Variants in NRXN1 observed in about 807,000 individuals in gnomAD.
NRXN1 encodes neurexin-1.
Under a neutral mutation model 150.9 loss-of-function variants are expected in NRXN1, and 39 were observed. That is an observed-to-expected ratio of 0.26 (90% confidence interval 0.20 to 0.34). The LOEUF (loss-of-function observed/expected upper bound fraction) is 0.34, where lower values mean the gene tolerates loss of function less well. NRXN1 is among the 10% of genes least tolerant of loss of function. NRXN1 has a pLI of 1.00. For synonymous variants in NRXN1, 924 were observed against 757.0 expected (o/e 1.22, Z -3.62); for missense variants, 1,815 against 1,949.9 (o/e 0.93, Z 1.30).
At chr2:50,123,997 A>T (rs1345552307) in intron 18 of NRXN1, among the ~76,000 whole-genome samples, 5 of 152,146 alleles carry the variant, frequency 3.3e-5, no homozygotes, top group Non-Finnish European at 5.9e-5. Flanking sequence ...GCCGTGAGAG[A>T]GAATGGGATA....
intron 5 of NRXN1, among the ~76,000 whole-genome samples, chr2:50,700,593 A>C (rs9677747): frequency 0.21 from 31,244 of 152,160 alleles, 3,532 homozygotes; most frequent in Non-Finnish European, 0.25. Flanking sequence ...AAGTCCTTGG[A>C]ATCTTTCTAT....
At chr2:50,196,365 G>A (rs1280868680) in intron 18 of NRXN1, among the ~76,000 whole-genome samples, 1 of 152,038 alleles carries the variant, frequency 6.6e-6, no homozygotes, top group Non-Finnish European at 1.5e-5. Flanking sequence ...TTCCAGAAAA[G>A]TTTCCTAAAC....
chr2:50,757,174 A>G (rs1701242000), intron 5 of NRXN1, among the ~76,000 whole-genome samples: 1 of 151,930 alleles, frequency 6.6e-6, no homozygotes, highest in Non-Finnish European at 1.5e-5. Context: ...ATCCAACTAC[A>G]GAATTCCACG....
At chr2:50,658,879 T>G (rs752550164) in intron 5 of NRXN1, among the ~76,000 whole-genome samples, 1 of 152,044 alleles carries the variant, frequency 6.6e-6, no homozygotes, top group Non-Finnish European at 1.5e-5. Context: ...CTCTACAATC[T>G]CCATACTCTC....
At chr2:50,021,716 T>A (rs142286647) in intron 21 of NRXN1, among the ~76,000 whole-genome samples, 40 of 152,274 alleles carry the variant, frequency 2.6e-4, no homozygotes, top group African/African-American at 9.1e-4. Context: ...TTTTGAAAAA[T>A]TTTTAAAAAT....
intron 12 of NRXN1, among the ~76,000 whole-genome samples, chr2:50,513,374 C>T (rs770287029): frequency 4.5e-4 from 68 of 152,202 alleles, no homozygotes; most frequent in Non-Finnish European, 5.3e-4. Context: ...ACGCACACTG[C>T]AGTCTAGTTT....
intron 17 of NRXN1, among the ~76,000 whole-genome samples, chr2:50,354,136 C>T (rs1265770021): frequency 6.6e-6 from 1 of 152,092 alleles, no homozygotes; most frequent in African/African-American, 2.4e-5. Context: ...TAGTGCTGTT[C>T]CCAGTTCTCT....
At chr2:50,422,508 A>G (rs2084079383) in intron 17 of NRXN1, among the ~76,000 whole-genome samples, 1 of 152,192 alleles carries the variant, frequency 6.6e-6, no homozygotes, top group South Asian at 2.1e-4. Context: ...AACTCAAACC[A>G]CAAACCTCAT....
intron 2 of NRXN1, among the ~76,000 whole-genome samples, chr2:50,933,715 A>G (rs377588575): frequency 1.4e-4 from 21 of 152,248 alleles, no homozygotes; most frequent in African/African-American, 4.8e-4. Context: ...CTGATCCATA[A>G]AATCAAATCA....
intron 8 of NRXN1, among the ~76,000 whole-genome samples, chr2:50,606,468 C>T (rs1677139928): frequency 1.3e-5 from 2 of 151,576 alleles, no homozygotes; most frequent in African/African-American, 4.8e-5. Flanking sequence ...AGTTGCCAAT[C>T]AATAATTATA....
intron 21 of NRXN1, among the ~76,000 whole-genome samples, chr2:50,014,616 ACAC>A (rs1429763129): frequency 5.3e-5 from 8 of 152,120 alleles, no homozygotes; most frequent in African/African-American, 1.9e-4. Context: ...TTTGTTCTTA[ACAC>A]CACGTTTCAG....
chr2:50,518,043 G>C (rs2092679410), intron 12 of NRXN1, among the ~76,000 whole-genome samples: 1 of 151,988 alleles, frequency 6.6e-6, no homozygotes, highest in African/African-American at 2.4e-5. Context: ...CTGTAGTTTT[G>C]TCATTGATTG....
chr2:50,185,548 C>A (rs1341582233), intron 18 of NRXN1: 1 of 152,016 alleles, frequency 6.6e-6, no homozygotes, highest in African/African-American at 2.4e-5. Flanking sequence ...ATACCTGAAG[C>A]CTCAGATGCA....
rs181599865 is a variant in NRXN1, at chr2:50,562,329, C to T, written c.1321-9304G>A. ...ATTAGACAAATATATGATAGATATA[C>T]GATAGATAGATAGATAGATAGATAG... On this transcript the variant is annotated intron_variant, in intron 8 of 22. Coordinates refer to ENST00000401669, the MANE Select transcript of NRXN1 (RefSeq NM_001330078.2). Among the ~76,000 whole-genome samples the T allele has an allele frequency of 2.5e-3, 381 of 150,010 alleles. 2 individuals carry two copies. The highest frequency in any genetic ancestry group is 3.9e-3 in the Non-Finnish European group (265 of 67,480).
chr2:49,923,365 G>A (rs17039454), intron 22 of NRXN1, among the ~76,000 whole-genome samples: 21,980 of 151,874 alleles, frequency 0.14, 2,072 homozygotes, highest in East Asian at 0.23. Context: ...CTATCCTCTC[G>A]CTTGTCTTAC....
intron 5 of NRXN1, among the ~76,000 whole-genome samples, chr2:50,875,601 T>C (rs938026281): frequency 2.0e-5 from 3 of 151,876 alleles, no homozygotes; most frequent in Non-Finnish European, 4.4e-5. Context: ...CCAATTACAA[T>C]AGGCCTTAAA....
chr2:50,798,863 TA>T (rs903285854), intron 5 of NRXN1, among the ~76,000 whole-genome samples: 49 of 152,334 alleles, frequency 3.2e-4, no homozygotes, highest in African/African-American at 1.1e-3. Context: ...AAGATCTTGC[TA>T]AAAAATAATT....
At chr2:50,201,743 A>T (rs60140891) in intron 18 of NRXN1, among the ~76,000 whole-genome samples, 2,955 of 152,288 alleles carry the variant, frequency 0.019, 99 homozygotes, top group African/African-American at 0.068. Context: ...GTACTTAACT[A>T]AGCAGTTCAA....
At chr2:50,716,289 G>T (rs1695859108) in intron 5 of NRXN1, among the ~76,000 whole-genome samples, 1 of 152,046 alleles carries the variant, frequency 6.6e-6, no homozygotes, top group African/African-American at 2.4e-5. Context: ...GGATTTAGAA[G>T]GCTACCACAG....
Sources: gnomAD v4.1 joint callset for allele counts (sites outside exome capture counted in the v4.1 genomes callset) on GRCh38, gnomAD v4.1.1 for gene constraint, MANE v1.5 for transcripts, NCBI Gene and HGNC (gene_info 2026-07-23, HGNC 2026-07-21) for gene names.